The following RFX3 variants were observed in gnomAD, a reference collection of about 807,000 sequenced individuals.
RFX3 encodes the protein transcription factor RFX3.
RFX3 carries 14 observed loss-of-function variants against 98.6 expected under a neutral mutation model. That is an observed-to-expected ratio of 0.14 (90% CI 0.09 to 0.22). The LOEUF is 0.22. RFX3 is among the 10% of genes least tolerant of loss of function. The probability of loss-of-function intolerance (pLI) is 1.00; values close to 1 mark genes in which losing one functional copy is unlikely to be tolerated. For synonymous variants in RFX3, 383 were observed against 328.4 expected (o/e 1.17, Z -1.80); for missense variants, 639 against 926.9 (o/e 0.69, Z 4.03).
chr9:3,427,916 CA>C (rs1844273988), intron 1 of RFX3, among the ~76,000 whole-genome samples: 1 of 152,066 alleles, frequency 6.6e-6, no homozygotes, highest in Non-Finnish European at 1.5e-5. Flanking sequence ...GCTGCTTCAA[CA>C]GGCCTAGATT....
Position 3,222,021 on chromosome 9 carries a change from A to G in RFX3, c.*3021T>C, listed in dbSNP as rs1252709547. On this transcript the variant is annotated 3_prime_UTR_variant, in exon 17 of 17. Coordinates refer to ENST00000617270, the MANE Select transcript of RFX3 (RefSeq NM_001282116.2). ...GTCTAATATTATTTAGAAAACCCAC[A>G]CTTTCAATGAGTGAAAAAAGGGAAA... 1 of 152,164 alleles carries G rather than the reference A, an allele frequency of 6.6e-6. No homozygotes were observed. 9.4% of individuals were successfully genotyped at this position (152,164 alleles called of 1,614,324 possible). A position where few individuals can be genotyped will look rare whatever the true frequency, so the allele number is the denominator to read the frequency against.
chr9:3,328,073 T>C (rs905312878), intron 4 of RFX3, among the ~76,000 whole-genome samples: 14 of 152,094 alleles, frequency 9.2e-5, no homozygotes, highest in African/African-American at 3.4e-4. Flanking sequence ...TAGGAATACC[T>C]AGAAGAGGTG....
At chr9:3,395,635 ACTCC>A in intron 1 of RFX3, 39 bp from the exon 2 acceptor site, 1 of 1,602,136 alleles carries the variant, frequency 6.2e-7, no homozygotes, top group Non-Finnish European at 8.5e-7. Context: ...TTAAAATGTC[ACTCC>A]TGCATGACTA....
chr9:3,247,667 T>A, intron 15 of RFX3: 1 of 1,442,410 alleles, frequency 6.9e-7, no homozygotes, highest in Non-Finnish European at 9.1e-7. Context: ...AAAATACATA[T>A]TTAATCCTTT....
intron 4 of RFX3, among the ~76,000 whole-genome samples, chr9:3,303,334 C>A (rs1828890978): frequency 6.6e-6 from 1 of 151,022 alleles, no homozygotes; most frequent in Admixed American, 6.6e-5. Flanking sequence ...GCTTTTTTTT[C>A]AAAGAGAAAA....
intron 11 of RFX3, 79 bp downstream of exon 11, chr9:3,270,292 T>G: frequency 7.3e-7 from 1 of 1,361,414 alleles, no homozygotes; most frequent in Non-Finnish European, 1.0e-6. Flanking sequence ...TCATTCTAGA[T>G]TGCAATGTCA....
chr9:3,220,612 G>C lies in RFX3; in HGVS notation c.*4430C>G, dbSNP rs1403557689. 6.8e-6 allele frequency: 1 copy of C among 147,374 alleles called. No homozygotes were observed. Among genetic ancestry groups the C allele is most frequent in the African/African-American group, 2.4e-5 (1 of 40,936 alleles). The allele number at this position is 147,374 out of a possible 1,614,324, so 9.1% of individuals were successfully genotyped here. Reference sequence around the variant, plus strand: ...AGTTGTATATAAAATGCAAGTGTTCGGCGTGGAAACACTTTCTCTTCCTAC... The same window carrying C: ...AGTTGTATATAAAATGCAAGTGTTCCGCGTGGAAACACTTTCTCTTCCTAC... On this transcript the variant is annotated 3_prime_UTR_variant, in exon 17 of 17. Coordinates refer to ENST00000617270, the MANE Select transcript of RFX3 (RefSeq NM_001282116.2).
chr9:3,270,230 C>G (rs770200913), intron 11 of RFX3, 141 bp downstream of exon 11: 207 of 743,362 alleles, frequency 2.8e-4, no homozygotes, highest in Middle Eastern at 1.5e-3. Flanking sequence ...TGCTTTCACG[C>G]AATATTCTGT....
At chr9:3,395,654 C>G in intron 1 of RFX3, 58 bp from the exon 2 acceptor site, 2 of 1,576,736 alleles carry the variant, frequency 1.3e-6, no homozygotes, top group South Asian at 1.1e-5. Context: ...TGACTAGCTT[C>G]CTTACAATTG....
At position 3,495,796 on chromosome 9, in the gene RFX3, C is replaced by T. The variant is rs555188787; in HGVS notation, c.-9+29951G>A. Among the ~76,000 whole-genome samples, 151 of 152,182 alleles carry T rather than the reference C, an allele frequency of 9.9e-4. 1 individual carries two copies. In the South Asian group the frequency reaches 0.029, roughly 29 times the overall value. On this transcript the variant is annotated intron_variant, in intron 1 of 16. Coordinates refer to ENST00000617270, the MANE Select transcript of RFX3 (RefSeq NM_001282116.2). Reference sequence around the variant, plus strand: ...AAGAATTGAAATAGGATAGCCACTGCCTAAACCAGTTTAATCACACTAGCT... The same window carrying T: ...AAGAATTGAAATAGGATAGCCACTGTCTAAACCAGTTTAATCACACTAGCT...
At chr9:3,491,176 T>C (rs1244651019) in intron 1 of RFX3, among the ~76,000 whole-genome samples, 4 of 152,118 alleles carry the variant, frequency 2.6e-5, no homozygotes, top group Admixed American at 1.3e-4. Context: ...GCTGAGTATA[T>C]ATGAATAGGC....
chr9:3,408,063 G>C (rs982577959), intron 1 of RFX3, among the ~76,000 whole-genome samples: 1 of 152,140 alleles, frequency 6.6e-6, no homozygotes. Flanking sequence ...AGCTTCTCAA[G>C]ACGCCAAAAG....
At chr9:3,454,581 C>T (rs568447139) in intron 1 of RFX3, among the ~76,000 whole-genome samples, 12 of 152,218 alleles carry the variant, frequency 7.9e-5, no homozygotes, top group African/African-American at 2.9e-4. Flanking sequence ...TTAGTAAATG[C>T]TCCAAAGCAA....
At chr9:3,445,743 C>T (rs974617319) in intron 1 of RFX3, among the ~76,000 whole-genome samples, 1 of 152,072 alleles carries the variant, frequency 6.6e-6, no homozygotes, top group Non-Finnish European at 1.5e-5. Flanking sequence ...GAGATCTTCC[C>T]GCCTACTTTT....
chr9:3,429,085 C>A (rs1421285804), intron 1 of RFX3, among the ~76,000 whole-genome samples: 1 of 149,400 alleles, frequency 6.7e-6, no homozygotes, highest in Non-Finnish European at 1.5e-5. Flanking sequence ...TGCGGTGGCG[C>A]GATCTCGGCT....
chr9:3,524,994 G>GC, intron 1 of RFX3, among the ~76,000 whole-genome samples: 1 of 152,036 alleles, frequency 6.6e-6, no homozygotes, highest in African/African-American at 2.4e-5. Context: ...TGTGTGGGGG[G>GC]GGGGAGAAAG....
chr9:3,258,366 CAACTTCA>C (rs1165179296), intron 13 of RFX3, among the ~76,000 whole-genome samples: 1 of 152,098 alleles, frequency 6.6e-6, no homozygotes, highest in Non-Finnish European at 1.5e-5. Context: ...TTCAAATTAA[CAACTTCA>C]ACTGAATAAA....
chr9:3,394,184 C>A (rs1003122786), intron 2 of RFX3, among the ~76,000 whole-genome samples: 29 of 151,890 alleles, frequency 1.9e-4, no homozygotes, highest in Admixed American at 1.6e-3. Context: ...CACAAAATGG[C>A]CGGGCACAGT....
intron 1 of RFX3, among the ~76,000 whole-genome samples, chr9:3,504,278 TAACATATAAAATA>T (rs1816436537): frequency 7.9e-6 from 1 of 127,164 alleles, no homozygotes; most frequent in Non-Finnish European, 1.5e-5. Context: ...ATATTGTATA[TAACATATAAAATA>T]TATATTATAT....
Sources: gnomAD v4.1 joint callset for allele counts (sites outside exome capture counted in the v4.1 genomes callset) on GRCh38, gnomAD v4.1.1 for gene constraint, MANE v1.5 for transcripts, NCBI Gene and HGNC (gene_info 2026-07-23, HGNC 2026-07-21) for gene names.